COL5A1: variants seen among roughly 807,000 people sequenced by gnomAD.
COL5A1 encodes the protein collagen type V alpha 1 chain.
In COL5A1, 16 loss-of-function variants were observed where a neutral mutation model predicts 263.7. The ratio of observed to expected loss-of-function variants is 0.06; its 90% CI spans 0.04 to 0.09. The LOEUF (loss-of-function observed/expected upper bound fraction) is 0.09. Ranked by LOEUF, COL5A1 falls within the 10% of genes least tolerant of loss-of-function variation. The pLI, the probability that COL5A1 is intolerant of heterozygous loss-of-function variation, is 1.00. For synonymous variants in COL5A1, 1,012 were observed against 1,004.5 expected (o/e 1.01, Z -0.14); for missense variants, 2,036 against 2,540.5 (o/e 0.80, Z 4.27).
Position 134,793,384 on chromosome 9 carries a change from T to TGTGG in COL5A1, c.2701-1697_2701-1696insTGGG, listed in dbSNP as rs1837786679. Among the ~76,000 whole-genome samples, 9 of 151,230 alleles carry TGTGG rather than the reference T, an allele frequency of 6.0e-5. No homozygotes were observed. In the South Asian group the frequency reaches 1.9e-3, roughly 31 times the overall value. On this transcript the variant is annotated intron_variant, in intron 32 of 65. Transcript: ENST00000371817. Reference sequence around the variant, plus strand: ...AAGGGAGAAGGAAGGCTAAGGAGGCTGGGGGGGGCATTCTGTTCCACAGCT... The same window carrying TGTGG: ...AAGGGAGAAGGAAGGCTAAGGAGGCTGTGGGGGGGGGGCATTCTGTTCCACAGCT...
chr9:134,739,360 G>A (rs746774899), intron 11 of COL5A1, among the ~76,000 whole-genome samples: 12 of 152,254 alleles, frequency 7.9e-5, no homozygotes, highest in Non-Finnish European at 1.2e-4. Context: ...CCGGCGGGGC[G>A]GGAGTTTTCT....
At chr9:134,684,803 G>A (rs1194047995) in intron 1 of COL5A1, among the ~76,000 whole-genome samples, 3 of 152,166 alleles carry the variant, frequency 2.0e-5, no homozygotes, top group African/African-American at 7.2e-5. Flanking sequence ...ACAACTTAGT[G>A]CAGCAATTGT....
Position 134,742,065 on chromosome 9 carries a change from C to T in COL5A1, c.1494+3257C>T, listed in dbSNP as rs533454853. ...TGGCATCCCACTGGGTATCATGCAG[C>T]CCTGACCAGCTGCTGAAGCCCACAC... On this transcript the variant is annotated intron_variant, in intron 11 of 65. Transcript: ENST00000371817. The surrounding 1 kb of genome is among the most constrained non-coding windows in gnomAD (Gnocchi z 4.6). Among the ~76,000 whole-genome samples the T allele has an allele frequency of 6.6e-6, 1 of 152,322 alleles. No homozygotes were observed. Among genetic ancestry groups the T allele is most frequent in the Admixed American group, 6.5e-5 (1 of 15,306 alleles).
rs1356956751 is a variant in COL5A1 at position 134,800,569 on chromosome 9, AC to A, written c.2953-1381del. ...AGACCAGCCCGGCCAACATGGTGAA[AC>A]CCCGTCTCTACTAAAAATACAAAAA... is the stretch of plus-strand genomic sequence containing the variant. On this transcript the variant is annotated intron_variant, in intron 37 of 65. Coordinates refer to ENST00000371817, the MANE Select transcript of COL5A1 (RefSeq NM_000093.5). 9.2e-5 allele frequency among the ~76,000 whole-genome samples: 14 copies of A among 151,920 alleles called. No individual in the cohort carries two copies. The East Asian group carries it at 2.7e-3, about 30-fold the overall frequency.
At chr9:134,731,698 TG>T in intron 8 of COL5A1, 35 bp downstream of exon 8, 1 of 1,585,498 alleles carries the variant, frequency 6.3e-7, no homozygotes, top group Non-Finnish European at 8.6e-7. Context: ...CGGGTGGGGT[TG>T]GGGGGCTGGT....
chr9:134,712,055 T>TCCCCTTCTTCCTA (rs1564404328), intron 4 of COL5A1, among the ~76,000 whole-genome samples: 1 of 13,880 alleles, frequency 7.2e-5, no homozygotes, highest in Non-Finnish European at 1.8e-4. Context: ...CCTTCTTCCT[T>TCCCCTTCTTCCTA]CCTCCCTCCT....
chr9:134,815,018 C>G (rs1838687446), intron 50 of COL5A1, 114 bp downstream of exon 50: 1 of 743,102 alleles, frequency 1.3e-6, no homozygotes, highest in Non-Finnish European at 2.2e-6. Flanking sequence ...CAAGACCATT[C>G]CATGTGTTGG....
In COL5A1 at chr9:134,842,141, T is replaced by C. The variant is rs770943042; in HGVS notation, c.5371-16T>C. On this transcript the variant is annotated splice_polypyrimidine_tract_variant and intron_variant, in intron 65 of 65. Coordinates refer to ENST00000371817, the MANE Select transcript of COL5A1 (RefSeq NM_000093.5). The surrounding 1 kb of genome is among the most constrained non-coding windows in gnomAD (Gnocchi z 5.8). ...ACTGTTCTTAACCACCGGCCATCTG[T>C]CTCCCTCTTCCCCAGACCAAGAAAG... is the stretch of plus-strand genomic sequence containing the variant. 23 of 1,613,818 alleles carry C rather than the reference T, an allele frequency of 1.4e-5. No homozygotes were observed. Among genetic ancestry groups the C allele is most frequent in the Non-Finnish European group, 1.9e-5 (23 of 1,179,980 alleles).
intron 32 of COL5A1, among the ~76,000 whole-genome samples, chr9:134,790,850 G>A (rs1476808941): frequency 6.6e-6 from 1 of 151,822 alleles, no homozygotes; most frequent in Non-Finnish European, 1.5e-5. Flanking sequence ...CTGTGCTGGG[G>A]GACCTTTCAC....
At chr9:134,698,935 G>T (rs1356098718) in intron 2 of COL5A1, among the ~76,000 whole-genome samples, 3 of 152,322 alleles carry the variant, frequency 2.0e-5, no homozygotes, top group South Asian at 4.1e-4. Context: ...CCCCTTCCTT[G>T]GCATGTCCCT....
At position 134,757,337 on chromosome 9, in the gene COL5A1, C is replaced by T; in HGVS notation, c.1881+519C>T. Among the ~76,000 whole-genome samples the T allele has an allele frequency of 6.6e-6, 1 of 152,190 alleles. No homozygotes were observed. The highest frequency in any genetic ancestry group is 1.5e-5 in the Non-Finnish European group (1 of 68,038). The stretch of plus-strand genomic sequence containing the variant: ...TATCCACCCCTCTGCCCCAGCACTG[C>T]TGTGAGCATTGCCCCGGTCTTGGCT... On this transcript the variant is annotated intron_variant, in intron 17 of 65. Coordinates refer to ENST00000371817, the MANE Select transcript of COL5A1 (RefSeq NM_000093.5). This position sits in a 1 kb window ranked among gnomAD's most constrained non-coding sequence, Gnocchi z 6.2.
At chr9:134,760,291 C>G (rs1234358173) in intron 18 of COL5A1, among the ~76,000 whole-genome samples, 2 of 95,704 alleles carry the variant, frequency 2.1e-5, no homozygotes, top group Non-Finnish European at 4.0e-5. Context: ...ACGCACACAC[C>G]CCCACACCCC....
chr9:134,817,313 A>G (rs1238600436), intron 53 of COL5A1, among the ~76,000 whole-genome samples: 1 of 152,248 alleles, frequency 6.6e-6, no homozygotes, highest in Non-Finnish European at 1.5e-5. Context: ...GGTCAGTGAT[A>G]TCCATGGTGG....
At position 134,765,801 on chromosome 9, in the gene COL5A1, G is replaced by T. The variant is rs972097703; in HGVS notation, c.2088+67G>T. 6 of 1,390,884 alleles carry T rather than the reference G, an allele frequency of 4.3e-6. No individual in the cohort carries two copies. The South Asian group carries it at 7.3e-5, about 17-fold the overall frequency. The allele number at this position is 1,390,884 out of a possible 1,614,324, so 86.2% of individuals were successfully genotyped here. A position where few individuals can be genotyped will look rare whatever the true frequency, so the allele number is the denominator to read the frequency against. ...CCTTTGAGACCCCGCCTCCCAGCCG[G>T]TGGACGCTTGGGCACTGGGGCAGCA... On this transcript the variant is annotated intron_variant, in intron 21 of 65. Transcript: ENST00000371817. This position sits in a 1 kb window ranked among gnomAD's most constrained non-coding sequence, Gnocchi z 5.1.
intron 4 of COL5A1, among the ~76,000 whole-genome samples, chr9:134,720,339 C>T (rs1834407257): frequency 6.6e-6 from 1 of 152,218 alleles, no homozygotes; most frequent in African/African-American, 2.4e-5. Context: ...TGTTTCCAGG[C>T]CGCCAGCACC....
chr9:134,796,473 C>A (rs967783784), intron 35 of COL5A1, 55 bp downstream of exon 35: 30 of 1,569,136 alleles, frequency 1.9e-5, no homozygotes, highest in Non-Finnish European at 2.6e-5. Context: ...GCCTCGAATG[C>A]CCCCTGCACT....
intron 18 of COL5A1, among the ~76,000 whole-genome samples, chr9:134,761,568 T>TGAG (rs1253576376): frequency 6.6e-6 from 1 of 152,206 alleles, no homozygotes; most frequent in Non-Finnish European, 1.5e-5. Flanking sequence ...CGGGGCTCCC[T>TGAG]GAGGGTATGA....
chr9:134,718,697 G>C (rs1051498034), intron 4 of COL5A1, among the ~76,000 whole-genome samples: 18 of 152,216 alleles, frequency 1.2e-4, no homozygotes, highest in African/African-American at 4.1e-4. Flanking sequence ...CGATGTCCTT[G>C]ACTCCAAGGT....
At chr9:134,711,486 T>C (rs1421741364) in intron 4 of COL5A1, among the ~76,000 whole-genome samples, 1 of 152,116 alleles carries the variant, frequency 6.6e-6, no homozygotes, top group African/African-American at 2.4e-5. Flanking sequence ...GGCTGCTCTG[T>C]TCTACCACTG....
Sources: allele counts gnomAD v4.1 joint callset (sites outside exome capture counted in the v4.1 genomes callset), GRCh38; gene constraint gnomAD v4.1.1; non-coding constraint Gnocchi (gnomAD v3.1); transcripts MANE v1.5; gene names NCBI Gene and HGNC (gene_info 2026-07-23, HGNC 2026-07-21).